Variants in TENM1 observed in about 807,000 individuals in gnomAD.
TENM1 encodes teneurin transmembrane protein 1.
In TENM1, 35 loss-of-function variants were observed where a neutral mutation model predicts 174.8. The ratio of observed to expected loss-of-function variants is 0.20; its 90% CI spans 0.15 to 0.27. The LOEUF (loss-of-function observed/expected upper bound fraction) is 0.27. Ranked by LOEUF, TENM1 falls within the 10% of genes least tolerant of loss-of-function variation. The pLI is 1.00. For missense variants in TENM1, 1,633 were observed against 2,130.1 expected (o/e 0.77, Z 4.59); for synonymous variants, 781 against 798.7 (o/e 0.98, Z 0.37).
the TENM1 span, among the ~76,000 whole-genome samples, chrX:125,196,425 C>A: frequency 9.0e-6 from 1 of 111,566 alleles, no homozygotes; most frequent in African/African-American, 3.2e-5. Flanking sequence ...CAGCCCCACA[C>A]ACATAAACAC....
chrX:125,104,927 C>G, the TENM1 span, among the ~76,000 whole-genome samples: 1 of 111,769 alleles, frequency 8.9e-6, no homozygotes. Context: ...TATTATGCAT[C>G]TTCCATAACT....
intron 1 of TENM1, among the ~76,000 whole-genome samples, chrX:124,931,287 C>T (rs1461262768): frequency 9.3e-6 from 1 of 107,345 alleles, no homozygotes; most frequent in Non-Finnish European, 1.9e-5. Context: ...ACAATCACAA[C>T]AATAACATTT....
At chrX:124,560,850 C>T (rs769801490) in intron 14 of TENM1, among the ~76,000 whole-genome samples, 2 of 111,269 alleles carry the variant, frequency 1.8e-5, no homozygotes, top group Non-Finnish European at 3.8e-5. Flanking sequence ...TATGTTTCCT[C>T]GAGTAGAAGG....
intron 3 of TENM1, among the ~76,000 whole-genome samples, chrX:124,860,683 T>C (rs747883519): frequency 1.8e-5 from 2 of 111,963 alleles, no homozygotes; most frequent in South Asian, 7.4e-4. Flanking sequence ...GCAAGATATT[T>C]CTTTAAATCT....
At position 124,613,617 on chromosome X, in the gene TENM1, T is replaced by C. The variant is rs143896850; in HGVS notation, c.2077+28174A>G. 3.2e-3 allele frequency among the ~76,000 whole-genome samples: 352 copies of C among 111,686 alleles called. 4 individuals carry two copies. Among genetic ancestry groups the C allele is most frequent in the African/African-American group, 0.011 (330 of 30,785 alleles). ...CTCTAAATATGTCCACCTCACCCTT[T>C]ATTTCATTTCTTTCACTGCTTGGTA... On this transcript the variant is annotated intron_variant, in intron 11 of 31. Coordinates refer to ENST00000422452, the Ensembl canonical transcript of TENM1.
intron 11 of TENM1, among the ~76,000 whole-genome samples, chrX:124,626,646 T>G (rs1232544700): frequency 8.9e-6 from 1 of 112,040 alleles, no homozygotes; most frequent in Non-Finnish European, 1.9e-5. Flanking sequence ...TCTTTAAACT[T>G]TTATCTATTA....
chrX:124,586,928 C>A (rs189335531), intron 11 of TENM1, among the ~76,000 whole-genome samples: 1,115 of 110,209 alleles, frequency 0.01, 21 homozygotes, highest in African/African-American at 0.035. Flanking sequence ...TGAGTGAACT[C>A]CCATTCACAA....
At chrX:124,799,863 G>A (rs1163907706) in intron 3 of TENM1, among the ~76,000 whole-genome samples, 2 of 111,883 alleles carry the variant, frequency 1.8e-5, no homozygotes, top group African/African-American at 6.5e-5. Context: ...AGATGATTGT[G>A]TGGTTTTTGT....
chrX:124,676,914 G>T (rs777264122), intron 5 of TENM1, among the ~76,000 whole-genome samples: 2 of 109,131 alleles, frequency 1.8e-5, no homozygotes, highest in South Asian at 4.0e-4. Flanking sequence ...AGTAAATGTG[G>T]GAAATACATG....
At position 124,548,123 on chromosome X, in the gene TENM1, AC is replaced by A. The variant is rs1351552807; in HGVS notation, c.2435-1034del. ...AGTGCTGGGATTACAGGCGTGAGCA[AC>A]CGCACCCAGCCGATGCAATTACTAC... On this transcript the variant is annotated intron_variant, in intron 14 of 31. Coordinates refer to ENST00000422452, the Ensembl canonical transcript of TENM1. Among the ~76,000 whole-genome samples, 3 of 112,061 alleles carry A rather than the reference AC, an allele frequency of 2.7e-5. No individual in the cohort carries two copies. In the East Asian group the frequency reaches 8.4e-4, roughly 31 times the overall value.
At chrX:125,027,611 CTT>C in the TENM1 span, among the ~76,000 whole-genome samples, 637 of 83,056 alleles carry the variant, frequency 7.7e-3, 9 homozygotes, top group African/African-American at 0.027. Context: ...TTTTCTTTTT[CTT>C]TTTTTTTTTT....
chrX:124,944,113 G>C (rs1387642512), intron 1 of TENM1, among the ~76,000 whole-genome samples: 2 of 111,484 alleles, frequency 1.8e-5, no homozygotes, highest in East Asian at 5.6e-4. Flanking sequence ...GTATAAAAGA[G>C]ATATCCTGCT....
rs2060645128 is a variant in TENM1, at chrX:124,420,933, A to T, written c.4472-112T>A. 3 of 721,501 alleles carry T rather than the reference A, an allele frequency of 4.2e-6. No individual in the cohort carries two copies. The African/African-American group carries it at 6.4e-5, about 15-fold the overall frequency. 59.5% of individuals were successfully genotyped at this position (721,501 alleles called of 1,213,427 possible). A position where few individuals can be genotyped will look rare whatever the true frequency, so the allele number is the denominator to read the frequency against. On this transcript the variant is annotated intron_variant, in intron 24 of 31. Coordinates refer to ENST00000422452, the Ensembl canonical transcript of TENM1. ...ATCATTTTAAAGGAAACAATCAGTGAACCAACATTCTCTGTATTCCCTCCC... is the reference window on the plus strand; with the variant it reads ...ATCATTTTAAAGGAAACAATCAGTGTACCAACATTCTCTGTATTCCCTCCC...
At chrX:124,957,996 C>A (rs1209894281) in intron 1 of TENM1, among the ~76,000 whole-genome samples, 2 of 111,548 alleles carry the variant, frequency 1.8e-5, no homozygotes. Flanking sequence ...ATACTAATTT[C>A]TTAGTTAATT....
At chrX:124,800,946 T>C (rs1390879197) in intron 3 of TENM1, among the ~76,000 whole-genome samples, 1 of 112,202 alleles carries the variant, frequency 8.9e-6, no homozygotes, top group Non-Finnish European at 1.9e-5. Flanking sequence ...CTAATTTGAT[T>C]GTGCTGTTGT....
chrX:125,053,567 G>A, the TENM1 span, among the ~76,000 whole-genome samples: 2 of 112,037 alleles, frequency 1.8e-5, no homozygotes, highest in Non-Finnish European at 3.8e-5. Flanking sequence ...GCAGGGTGGG[G>A]TGTGGCTTAT....
At chrX:124,886,522 C>CATATATATATAT (rs3056632) in intron 3 of TENM1, among the ~76,000 whole-genome samples, 1 of 74,921 alleles carries the variant, frequency 1.3e-5, no homozygotes, top group Non-Finnish European at 2.5e-5. Context: ...AAAACATATA[C>CATATATATATAT]ATATATATAT....
the TENM1 span, among the ~76,000 whole-genome samples, chrX:125,119,670 C>T: frequency 9.0e-6 from 1 of 110,861 alleles, no homozygotes; most frequent in Non-Finnish European, 1.9e-5. Context: ...TACTGCTCTG[C>T]CTGATTACTA....
At chrX:124,864,925 T>C (rs368129806) in intron 3 of TENM1, among the ~76,000 whole-genome samples, 1 of 111,068 alleles carries the variant, frequency 9.0e-6, no homozygotes, top group East Asian at 2.8e-4. Flanking sequence ...GAGTTTTCAG[T>C]GGAAATTGTA....
Sources: gnomAD v4.1 joint callset for allele counts (sites outside exome capture counted in the v4.1 genomes callset) on GRCh38, gnomAD v4.1.1 for gene constraint, MANE v1.5 for transcripts, NCBI Gene and HGNC (gene_info 2026-07-23, HGNC 2026-07-21) for gene names.